Variants in INPP5J observed in about 807,000 individuals in gnomAD.
INPP5J encodes inositol polyphosphate-5-phosphatase J.
Under a neutral mutation model 86.6 loss-of-function variants are expected in INPP5J, and 75 were observed. The observed-to-expected ratio is 0.87, with a 90% CI of 0.72 to 1.05. The LOEUF (loss-of-function observed/expected upper bound fraction) is 1.05, where lower values mean the gene tolerates loss of function less well. INPP5J is among the 50% of genes least tolerant of loss of function. The pLI is 0.00. For missense variants in INPP5J, 1,229 were observed against 1,341.2 expected (o/e 0.92, Z 1.31); for synonymous variants, 540 against 550.0 (o/e 0.98, Z 0.25).
chr22:31,126,997 T>C lies in INPP5J; in HGVS notation c.1571T>C (p.Val524Ala). The C allele has an allele frequency of 6.2e-7, 1 of 1,608,948 alleles. No homozygotes were observed. Among genetic ancestry groups the C allele is most frequent in the Non-Finnish European group, 8.5e-7 (1 of 1,177,692 alleles). Residue 524 changes from valine (V) to alanine (A), a missense_variant, in exon 5 of 13, where the codon GTG becomes GCG. By Grantham distance (64) the Val-to-Ala change is moderately conservative (BLOSUM62 0). Coordinates refer to ENST00000331075, the MANE Select transcript of INPP5J (RefSeq NM_001284285.2). ...TACCACCTGCCCTTCCTGCGAGACGTGCAGACCGACTGCACGCGCACTGGC... is the reference window on the plus strand; with the variant it reads ...TACCACCTGCCCTTCCTGCGAGACGCGCAGACCGACTGCACGCGCACTGGC... ...KYYHLPFLRDVQTDCTRTGLG... is the reference protein window; with the variant it reads ...KYYHLPFLRDAQTDCTRTGLG...
Position 31,125,670 on chromosome 22 carries a change from G to T in INPP5J, c.931G>T (p.Gly311Cys). 1 of 1,550,584 alleles carries T rather than the reference G, an allele frequency of 6.4e-7. No individual in the cohort carries two copies. The highest frequency in any genetic ancestry group is 1.2e-5 in the South Asian group (1 of 84,048). Residue 311 changes from glycine to cysteine, a missense_variant, in exon 2 of 13, where the codon GGT becomes TGT. Physicochemically the swap from Gly to Cys is radical, Grantham distance 159. Transcript: ENST00000331075. ...PQTLPLDVGQ[G>C]PSEPGTHSPG... ...GACCTTGCCCTTGGATGTGGGCCAG[G>T]GTCCTTCAGAGCCTGGCACTCACTC...
chr22:31,127,324 C>T, intron 5 of INPP5J, 33 bp from the exon 6 acceptor site: 1 of 1,571,142 alleles, frequency 6.4e-7, no homozygotes, highest in Non-Finnish European at 8.6e-7. Flanking sequence ...GGCCTAAGCC[C>T]CGCCCATGAG....
rs1922434930 is a variant in INPP5J at position 31,134,654 on chromosome 22, C to A, written c.*235C>A. On this transcript the variant is annotated 3_prime_UTR_variant, in exon 13 of 13. Coordinates refer to ENST00000331075, the MANE Select transcript of INPP5J (RefSeq NM_001284285.2). The stretch of plus-strand genomic sequence containing the variant: ...GATGGGAGAGCTCTGGCAGATGTCC[C>A]AATCCTGGAGGTCATCCATTAGGAA... 2.4e-6 allele frequency: 1 copy of A among 416,880 alleles called. No individual in the cohort carries two copies. Among genetic ancestry groups the A allele is most frequent in the Non-Finnish European group, 4.2e-6 (1 of 237,982 alleles). 25.8% of individuals were successfully genotyped at this position (416,880 alleles called of 1,614,324 possible). A position where few individuals can be genotyped will look rare whatever the true frequency, so the allele number is the denominator to read the frequency against.
intron 9 of INPP5J, among the ~76,000 whole-genome samples, chr22:31,130,011 C>A (rs1349353877): frequency 6.6e-6 from 1 of 151,074 alleles, no homozygotes; most frequent in Non-Finnish European, 1.5e-5. Context: ...AGTTTAAGAC[C>A]GGCCTGAGCA....
At position 31,125,647 on chromosome 22, in the gene INPP5J, C is replaced by T. The variant is rs1318504539; in HGVS notation, c.908C>T (p.Thr303Ile). 4 of 1,550,634 alleles carry T rather than the reference C, an allele frequency of 2.6e-6. No homozygotes were observed. In the Admixed American group the frequency reaches 5.9e-5, roughly 23 times the overall value. The change falls in exon 2 of 13, where the codon ACC becomes ATC. Residue 303 changes from threonine (T) to isoleucine (I), a missense_variant. By Grantham distance (89) the Thr-to-Ile change is moderately conservative. Transcript: ENST00000331075. The part of the protein sequence containing the change: ...EDPVLPRPPQ[T>I]LPLDVGQGPS... Reference sequence around the variant, plus strand: ...CCTGTTTTGCCACGGCCACCCCAGACCTTGCCCTTGGATGTGGGCCAGGGT... The same window carrying T: ...CCTGTTTTGCCACGGCCACCCCAGATCTTGCCCTTGGATGTGGGCCAGGGT...
Position 31,126,454 on chromosome 22 carries a change from T to C in INPP5J, c.1350T>C (p.Gly450=). The change falls in exon 3 of 13, where the codon GGT becomes GGC. Residue 450 remains glycine (G), a synonymous_variant. Coordinates refer to ENST00000331075, the MANE Select transcript of INPP5J (RefSeq NM_001284285.2). ...CATCCCTCCTCCACCTGGGCGGTGG[T>C]GACGACAGCGACGGCGCAGACATGA... ...DVTSLLHLGG[G]DDSDGADMIA... 1 of 1,613,676 alleles carries C rather than the reference T, an allele frequency of 6.2e-7. No individual in the cohort carries two copies. Among genetic ancestry groups the C allele is most frequent in the Non-Finnish European group, 8.5e-7 (1 of 1,179,800 alleles).
chr22:31,127,355 A>G lies in INPP5J; in HGVS notation c.1612-2A>G. 2 of 1,606,640 alleles carry G rather than the reference A, an allele frequency of 1.2e-6. No homozygotes were observed. Among genetic ancestry groups the G allele is most frequent in the Non-Finnish European group, 1.7e-6 (2 of 1,176,400 alleles). On this transcript the variant is annotated splice_acceptor_variant, in intron 5 of 12. Transcript: ENST00000331075. LOFTEE classifies it high-confidence loss of function. ...ATGAGCCATCCGACCCTGCCTCCCT[A>G]GGGTAACAAGGGTGGCGTGAGCGTG... is the stretch of plus-strand genomic sequence containing the variant.
intron 9 of INPP5J, among the ~76,000 whole-genome samples, chr22:31,130,832 TC>T (rs1250405656): frequency 1.3e-5 from 2 of 152,132 alleles, no homozygotes; most frequent in African/African-American, 4.8e-5. Context: ...AAATGGGAAA[TC>T]CTAGAATCTC....
At chr22:31,128,131 C>G in intron 7 of INPP5J, 69 bp downstream of exon 7, 1 of 1,428,322 alleles carries the variant, frequency 7.0e-7, no homozygotes, top group Non-Finnish European at 9.8e-7. Context: ...GACTATGGTC[C>G]CTGTCCTCAC....
chr22:31,128,407 C>A, intron 8 of INPP5J, 64 bp from the exon 9 acceptor site: 2 of 1,584,386 alleles, frequency 1.3e-6, no homozygotes, highest in Non-Finnish European at 1.7e-6. Flanking sequence ...GGGCAGGAGG[C>A]AAGGTGGAGG....
At position 31,127,013 on chromosome 22, in the gene INPP5J, G is replaced by A. The variant is rs188276922; in HGVS notation, c.1587G>A (p.Thr529=). The part of the protein sequence containing the change: ...PFLRDVQTDC[T]RTGLGGYWGN... ...TGCGAGACGTGCAGACCGACTGCAC[G>A]CGCACTGGCCTGGGCGGCTACTGGG... is the stretch of plus-strand genomic sequence containing the variant. Residue 529 remains threonine (T), a synonymous_variant, in exon 5 of 13, where the codon ACG becomes ACA. Transcript: ENST00000331075. 13 of 1,605,284 alleles carry A rather than the reference G, an allele frequency of 8.1e-6. No homozygotes were observed. The East Asian group carries it at 9.0e-5, about 11-fold the overall frequency.
chr22:31,125,351 G>A lies in INPP5J; in HGVS notation c.612G>A (p.Pro204=), dbSNP rs528527096. The A allele has an allele frequency of 4.8e-5, 75 of 1,550,288 alleles. No homozygotes were observed. In the African/African-American group the frequency reaches 5.3e-4, roughly 11 times the overall value. ...QPPELPSTPS[P]VPSPVLSPTQ... ...CAGAACTCCCCTCCACCCCTTCCCC[G>A]GTGCCCAGTCCAGTTCTGTCTCCAA... is the stretch of plus-strand genomic sequence containing the variant. The change falls in exon 2 of 13, where the codon CCG becomes CCA. Residue 204 remains proline (P), a synonymous_variant. Coordinates refer to ENST00000331075, the MANE Select transcript of INPP5J (RefSeq NM_001284285.2).
At position 31,128,579 on chromosome 22, in the gene INPP5J, G is replaced by T; in HGVS notation, c.2118G>T (p.Thr706=). The T allele has an allele frequency of 6.2e-7, 1 of 1,613,150 alleles. No individual in the cohort carries two copies. Among genetic ancestry groups the T allele is most frequent in the South Asian group, 1.1e-5 (1 of 91,040 alleles). ...GGAAGAGCCACCGACTCCAGGTGAC[G>T]CAGCACAGCTACCGCAGCCACATGG... ...SGRKSHRLQV[T]QHSYRSHMEY... The change falls in exon 9 of 13, where the codon ACG becomes ACT. Residue 706 remains threonine, a synonymous_variant. Transcript: ENST00000331075.
At chr22:31,124,802 C>T (rs751401139) in intron 1 of INPP5J, 43 bp from the exon 2 acceptor site, 5 of 1,554,376 alleles carry the variant, frequency 3.2e-6, no homozygotes, top group Non-Finnish European at 3.5e-6. Flanking sequence ...GGCCCAATGC[C>T]CTGGTTAGGG....
In INPP5J at chr22:31,128,021, A is replaced by G. The variant is rs769593351; in HGVS notation, c.1858A>G (p.Ile620Val). 6.2e-7 allele frequency: 1 copy of G among 1,612,320 alleles called. No individual in the cohort carries two copies. The highest frequency in any genetic ancestry group is 2.2e-5 in the East Asian group (1 of 44,784). Residue 620 changes from isoleucine to valine, a missense_variant, in exon 7 of 13, where the codon ATC (isoleucine) becomes GTC (valine). Coordinates refer to ENST00000331075, the MANE Select transcript of INPP5J (RefSeq NM_001284285.2). ...SYDLHFVKFA[I>V]DSDQLHQLWE... The stretch of plus-strand genomic sequence containing the variant: ...TGACCTGCACTTTGTCAAGTTTGCC[A>G]TCGACAGTGACCAGCTCCATCAGCT...
In INPP5J at chr22:31,134,520, C is replaced by T. The variant is rs1922424221; in HGVS notation, c.*101C>T. On this transcript the variant is annotated 3_prime_UTR_variant, in exon 13 of 13. Coordinates refer to ENST00000331075, the MANE Select transcript of INPP5J (RefSeq NM_001284285.2). ...GCTGCTCCTCCAGCTGTATCTGCAC[C>T]TGCCTCTCTGTCCTGGCCAGGGGTG... is the stretch of plus-strand genomic sequence containing the variant. The T allele has an allele frequency of 2.4e-6, 3 of 1,253,700 alleles. No individual in the cohort carries two copies. Among genetic ancestry groups the T allele is most frequent in the Non-Finnish European group, 3.2e-6 (3 of 944,210 alleles). The allele number at this position is 1,253,700 out of a possible 1,614,324, so 77.7% of individuals were successfully genotyped here. A position where few individuals can be genotyped will look rare whatever the true frequency, so the allele number is the denominator to read the frequency against.
At position 31,134,114 on chromosome 22, in the gene INPP5J, C is replaced by G; in HGVS notation, c.2716C>G (p.Arg906Gly). ...GLALRPSSRE[R>G]RGASRSPSPQ... ...TGCCCTACGGCCCTCATCCCGTGAA[C>G]GCCGTGGTGCCAGCCGTAGCCCCTC... Residue 906 changes from arginine to glycine, a missense_variant, in exon 13 of 13, where the codon CGC becomes GGC. Transcript: ENST00000331075. 1 of 1,551,826 alleles carries G rather than the reference C, an allele frequency of 6.4e-7. No individual in the cohort carries two copies.
At position 31,126,688 on chromosome 22, in the gene INPP5J, C is replaced by G; in HGVS notation, c.1461C>G (p.Phe487Leu). 6.2e-7 allele frequency: 1 copy of G among 1,613,922 alleles called. No homozygotes were observed. Among genetic ancestry groups the G allele is most frequent in the Non-Finnish European group, 8.5e-7 (1 of 1,179,800 alleles). Residue 487 changes from phenylalanine (F) to leucine (L), a missense_variant, in exon 4 of 13, where the codon TTC (phenylalanine) becomes TTG (leucine). By Grantham distance (22) the Phe-to-Leu change is conservative. Transcript: ENST00000331075. ...TCACGGACCAGTGGAGTGAGCTGTT[C>G]ATGGATGCGCTAGGGCCCTTCAACT... ...ALFTDQWSEL[F>L]MDALGPFNFV...
In INPP5J at chr22:31,133,124, G is replaced by T. The variant is rs1922209357; in HGVS notation, c.2220G>T (p.Leu740=). The T allele has an allele frequency of 1.3e-6, 2 of 1,567,726 alleles. No homozygotes were observed. Among genetic ancestry groups the T allele is most frequent in the Non-Finnish European group, 8.6e-7 (1 of 1,156,394 alleles). Residue 740 remains leucine, a synonymous_variant, in exon 10 of 13, where the codon CTG becomes CTT. Coordinates refer to ENST00000331075, the MANE Select transcript of INPP5J (RefSeq NM_001284285.2). ...TTGCCTTCAGGGACGACATGCCACTGGTGCGGCTGGAGGTGGCAGATGAGT... is the reference window on the plus strand; with the variant it reads ...TTGCCTTCAGGGACGACATGCCACTTGTGCGGCTGGAGGTGGCAGATGAGT... ...LQFAFRDDMP[L]VRLEVADEWV... is the part of the protein sequence containing the mutation.
Sources: gnomAD v4.1 joint callset for allele counts (sites outside exome capture counted in the v4.1 genomes callset) on GRCh38, gnomAD v4.1.1 for gene constraint, MANE v1.5 for transcripts, NCBI Gene and HGNC (gene_info 2026-07-23, HGNC 2026-07-21) for gene names.